Variants in FRMD6 observed in about 807,000 individuals in gnomAD.
The protein encoded by FRMD6 is FERM domain-containing protein 6.
In FRMD6, 37 loss-of-function variants were observed where a neutral mutation model predicts 73.2. That is an observed-to-expected ratio of 0.51 (90% CI 0.39 to 0.66). The LOEUF (loss-of-function observed/expected upper bound fraction) is 0.66, where lower values mean the gene tolerates loss of function less well. FRMD6 is among the 30% of genes least tolerant of loss of function. The pLI, the probability that FRMD6 is intolerant of heterozygous loss-of-function variation, is 0.00. For missense variants in FRMD6, 714 were observed against 780.5 expected (o/e 0.91, Z 1.02); for synonymous variants, 273 against 282.2 (o/e 0.97, Z 0.33).
intron 7 of FRMD6, among the ~76,000 whole-genome samples, chr14:51,710,303 T>C (rs1386481605): frequency 1.3e-5 from 2 of 152,148 alleles, no homozygotes; most frequent in East Asian, 3.9e-4. Context: ...ATCTGCTTCA[T>C]TTAGGAGCTG....
the FRMD6 span, among the ~76,000 whole-genome samples, chr14:51,417,054 A>T: frequency 2.6e-5 from 4 of 152,094 alleles, no homozygotes; most frequent in Non-Finnish European, 5.9e-5. Context: ...GTGTCTCTGC[A>T]CGTGAGATGG....
At chr14:51,575,079 T>C (rs1349522312) in intron 2 of FRMD6, among the ~76,000 whole-genome samples, 13 of 152,218 alleles carry the variant, frequency 8.5e-5, no homozygotes, top group Admixed American at 7.9e-4. Flanking sequence ...ATGGAGCCTA[T>C]TGAAAGACCA....
chr14:51,426,944 A>G, the FRMD6 span, among the ~76,000 whole-genome samples: 1 of 152,178 alleles, frequency 6.6e-6, no homozygotes, highest in Non-Finnish European at 1.5e-5. Context: ...GCCCAAAATG[A>G]CCACAAGAAA....
At chr14:51,542,673 A>G (rs186204498) in intron 1 of FRMD6, among the ~76,000 whole-genome samples, 1 of 152,118 alleles carries the variant, frequency 6.6e-6, no homozygotes, top group Non-Finnish European at 1.5e-5. Flanking sequence ...TTCTATGTTT[A>G]CCTTATTAAA....
chr14:51,467,659 C>A, the FRMD6 span, among the ~76,000 whole-genome samples: 1 of 150,990 alleles, frequency 6.6e-6, no homozygotes, highest in Non-Finnish European at 1.5e-5. Flanking sequence ...GGGGTGGTGG[C>A]GGGGCAGAGA....
intron 1 of FRMD6, among the ~76,000 whole-genome samples, chr14:51,560,669 A>G (rs986688818): frequency 6.6e-6 from 1 of 152,158 alleles, no homozygotes; most frequent in Non-Finnish European, 1.5e-5. Flanking sequence ...ATTTTAGTAG[A>G]GACAGGGTTT....
the FRMD6 span, among the ~76,000 whole-genome samples, chr14:51,461,150 G>A: frequency 6.6e-6 from 1 of 152,132 alleles, no homozygotes; most frequent in Non-Finnish European, 1.5e-5. Context: ...GAAAGATAAA[G>A]CACACCTATT....
At chr14:51,659,767 A>T (rs1398525586) in intron 1 of FRMD6, among the ~76,000 whole-genome samples, 1 of 152,156 alleles carries the variant, frequency 6.6e-6, no homozygotes, top group East Asian at 1.9e-4. Context: ...GCTTCATGTG[A>T]GTACTTCTGA....
chr14:51,653,207 A>G (rs183706807), intron 1 of FRMD6, among the ~76,000 whole-genome samples: 200 of 150,728 alleles, frequency 1.3e-3, no homozygotes, highest in Non-Finnish European at 2.5e-3. Context: ...TTTTCCGAGT[A>G]TGATTCCCTT....
chr14:51,605,084 T>C (rs1890195382), intron 2 of FRMD6, among the ~76,000 whole-genome samples: 1 of 151,582 alleles, frequency 6.6e-6, no homozygotes, highest in Non-Finnish European at 1.5e-5. Context: ...TGGCCACCCA[T>C]CTAATTTGTT....
intron 1 of FRMD6, among the ~76,000 whole-genome samples, chr14:51,528,867 C>T (rs1322630026): frequency 6.6e-6 from 1 of 152,178 alleles, no homozygotes; most frequent in Non-Finnish European, 1.5e-5. Flanking sequence ...GAATCAACAA[C>T]CTCTCACCCC....
At chr14:51,707,534 T>A (rs184170407) in intron 6 of FRMD6, among the ~76,000 whole-genome samples, 16 of 152,300 alleles carry the variant, frequency 1.1e-4, no homozygotes, top group Admixed American at 8.5e-4. Flanking sequence ...TGAAACGGTT[T>A]TCTCATAAGT....
At chr14:51,480,609 T>C in the FRMD6 span, among the ~76,000 whole-genome samples, 1 of 152,196 alleles carries the variant, frequency 6.6e-6, no homozygotes, top group Non-Finnish European at 1.5e-5. Flanking sequence ...TTATATACAA[T>C]GACTACATTG....
At chr14:51,597,107 G>A (rs1340207226) in intron 2 of FRMD6, among the ~76,000 whole-genome samples, 2 of 152,178 alleles carry the variant, frequency 1.3e-5, no homozygotes, top group Admixed American at 6.5e-5. Flanking sequence ...CACATTTTTT[G>A]TACCATGTGG....
the FRMD6 span, among the ~76,000 whole-genome samples, chr14:51,478,442 AAG>A: frequency 6.6e-6 from 1 of 152,238 alleles, no homozygotes; most frequent in African/African-American, 2.4e-5. Context: ...TTTGGTTAAA[AAG>A]TATCTATTTT....
At chr14:51,451,583 G>T in the FRMD6 span, among the ~76,000 whole-genome samples, 1 of 152,164 alleles carries the variant, frequency 6.6e-6, no homozygotes, top group Non-Finnish European at 1.5e-5. Context: ...ATTTTGCCAT[G>T]TTGGCCAGGC....
intron 2 of FRMD6, among the ~76,000 whole-genome samples, chr14:51,621,227 A>G (rs1890913820): frequency 6.6e-6 from 1 of 152,004 alleles, no homozygotes; most frequent in Non-Finnish European, 1.5e-5. Flanking sequence ...GCTTGATGTT[A>G]TAACTCAAAG....
chr14:51,438,857 C>T, the FRMD6 span, among the ~76,000 whole-genome samples: 7 of 145,504 alleles, frequency 4.8e-5, no homozygotes, highest in African/African-American at 1.8e-4. Context: ...AGGGCAGTTG[C>T]TGGCATGTCT....
At position 51,581,849 on chromosome 14, in the gene FRMD6, G is replaced by C. The variant is rs564242745; in HGVS notation, c.-147+11439G>C. On this transcript the variant is annotated intron_variant, in intron 2 of 14. Coordinates refer to the FRMD6 transcript ENST00000356218. ...TACCCGCATTAAATGTATGAAGCTTGAATCAGACAGCTATACATAGAGTGA... is the reference window on the plus strand; with the variant it reads ...TACCCGCATTAAATGTATGAAGCTTCAATCAGACAGCTATACATAGAGTGA... Among the ~76,000 whole-genome samples the C allele has an allele frequency of 1.0e-3, 158 of 152,306 alleles. 2 individuals are homozygous for C. The highest frequency in any genetic ancestry group is 9.1e-3 in the South Asian group (44 of 4,830).
Sources: allele counts gnomAD v4.1 joint callset (sites outside exome capture counted in the v4.1 genomes callset), GRCh38; gene constraint gnomAD v4.1.1; transcripts MANE v1.5; gene names NCBI Gene and HGNC (gene_info 2026-07-23, HGNC 2026-07-21).